Variants in TM9SF4 observed in about 807,000 individuals in gnomAD.
TM9SF4 encodes dinucleotide oxidase disulfide thiol exchanger 3 superfamily member 4.
TM9SF4 carries 26 observed loss-of-function variants against 90.4 expected under a neutral mutation model. The ratio of observed to expected loss-of-function variants is 0.29; its 90% confidence interval spans 0.21 to 0.40. The LOEUF is 0.40. Ranked by LOEUF, TM9SF4 falls within the 10% of genes least tolerant of loss-of-function variation. The probability of loss-of-function intolerance (pLI) is 1.00; values close to 1 mark genes in which losing one functional copy is unlikely to be tolerated. For missense variants in TM9SF4, 549 were observed against 834.8 expected, an observed-to-expected ratio of 0.66 and a Z score of 4.22; for synonymous variants, 293 against 315.4, an observed-to-expected ratio of 0.93 and a Z score of 0.75.
intron 16 of TM9SF4, among the ~76,000 whole-genome samples, chr20:32,160,688 C>T (rs749414210): frequency 6.6e-6 from 1 of 152,108 alleles, no homozygotes; most frequent in Non-Finnish European, 1.5e-5. Flanking sequence ...CGGTAGCTCA[C>T]GCCTGTAATC....
At chr20:32,147,569 G>A (rs1233611776) in intron 9 of TM9SF4, among the ~76,000 whole-genome samples, 2 of 151,980 alleles carry the variant, frequency 1.3e-5, no homozygotes, top group African/African-American at 4.8e-5. Flanking sequence ...AAACTAGGTC[G>A]GGGCTGGGCA....
intron 16 of TM9SF4, 32 bp downstream of exon 16, chr20:32,160,143 G>A (rs781719518): frequency 1.2e-6 from 2 of 1,613,770 alleles, no homozygotes; most frequent in East Asian, 4.5e-5. Flanking sequence ...GGCGGGGGAG[G>A]GAGAACTGGA....
chr20:32,116,537 A>AC (rs1489261984), intron 1 of TM9SF4: 2 of 151,884 alleles, frequency 1.3e-5, no homozygotes, highest in African/African-American at 4.8e-5. Flanking sequence ...GTTTTTCCCT[A>AC]CCCCCAAATT....
intron 6 of TM9SF4, 35 bp downstream of exon 6, chr20:32,143,140 G>A (rs1435922001): frequency 1.2e-6 from 2 of 1,606,798 alleles, no homozygotes. Context: ...GGGCAGGGCT[G>A]GATGGGCCTG....
At chr20:32,163,280 T>C (rs1431443230) in intron 17 of TM9SF4, among the ~76,000 whole-genome samples, 4 of 119,436 alleles carry the variant, frequency 3.3e-5, no homozygotes, top group African/African-American at 6.8e-5. Flanking sequence ...TATATATATA[T>C]ATATATATAT....
At chr20:32,141,198 CAG>C (rs1232057037) in intron 3 of TM9SF4, among the ~76,000 whole-genome samples, 1 of 117,438 alleles carries the variant, frequency 8.5e-6, no homozygotes, top group Non-Finnish European at 1.6e-5. Flanking sequence ...GCCTGGGTGA[CAG>C]AGCGAGACTC....
chr20:32,134,832 C>G (rs2046572114), intron 2 of TM9SF4, among the ~76,000 whole-genome samples: 1 of 152,044 alleles, frequency 6.6e-6, no homozygotes, highest in Non-Finnish European at 1.5e-5. Flanking sequence ...ACCACCATGC[C>G]CAGCCGATTT....
chr20:32,109,832 G>T, intron 1 of TM9SF4, 77 bp downstream of exon 1: 1 of 1,548,754 alleles, frequency 6.5e-7, no homozygotes. Context: ...AGCACCCCAT[G>T]CCTGGCCCTG....
intron 17 of TM9SF4, among the ~76,000 whole-genome samples, chr20:32,164,820 G>A (rs1223094586): frequency 6.6e-6 from 1 of 152,144 alleles, no homozygotes; most frequent in Non-Finnish European, 1.5e-5. Context: ...AGTCCAAAAT[G>A]CTCCAAGATC....
At chr20:32,156,754 T>C (rs1272621596) in intron 13 of TM9SF4, among the ~76,000 whole-genome samples, 1 of 151,268 alleles carries the variant, frequency 6.6e-6, no homozygotes, top group Admixed American at 6.6e-5. Context: ...ACTACAGGTG[T>C]CACCACCACA....
rs529809661 is a variant in TM9SF4, at chr20:32,115,840, G to A, written c.15+6085G>A. On this transcript the variant is annotated intron_variant, in intron 1 of 17. Coordinates refer to ENST00000398022, the MANE Select transcript of TM9SF4 (RefSeq NM_014742.4). ...TTTTTTTTTTTTTTTTTGAGACAGA[G>A]TCTCACTCTGTCGCCCAGGGTGGAG... Among the ~76,000 whole-genome samples, 70 of 105,538 alleles carry A rather than the reference G, an allele frequency of 6.6e-4. 1 individual carries two copies. The South Asian group carries it at 0.022, about 34-fold the overall frequency. 69.2% of individuals were successfully genotyped at this position (105,538 alleles called of 152,430 possible). A position where few individuals can be genotyped will look rare whatever the true frequency, so the allele number is the denominator to read the frequency against.
intron 5 of TM9SF4, 107 bp from the exon 6 acceptor site, chr20:32,142,875 T>C: frequency 6.8e-7 from 1 of 1,460,448 alleles, no homozygotes; most frequent in Non-Finnish European, 9.4e-7. Flanking sequence ...AACAGTGTTT[T>C]AGGAAGGTTG....
intron 9 of TM9SF4, among the ~76,000 whole-genome samples, chr20:32,147,262 G>A (rs937311939): frequency 2.0e-5 from 3 of 152,114 alleles, no homozygotes; most frequent in Admixed American, 6.6e-5. Flanking sequence ...ACAGGCATGA[G>A]CCACCACGCC....
intron 1 of TM9SF4, among the ~76,000 whole-genome samples, chr20:32,112,819 C>T (rs151220022): frequency 1.7e-3 from 253 of 152,020 alleles, no homozygotes; most frequent in African/African-American, 5.3e-3. Flanking sequence ...TTTAAAGAAA[C>T]TGAGTATGTA....
intron 8 of TM9SF4, among the ~76,000 whole-genome samples, chr20:32,145,774 A>G (rs1336102800): frequency 6.6e-6 from 1 of 152,232 alleles, no homozygotes; most frequent in Non-Finnish European, 1.5e-5. Context: ...CATAGAGCCT[A>G]TATTCTAGTG....
chr20:32,136,910 G>A (rs1235271059), intron 3 of TM9SF4: 2 of 471,172 alleles, frequency 4.2e-6, no homozygotes, highest in Non-Finnish European at 8.8e-6. Context: ...TCTTGAGCAA[G>A]CCCCTGAAAG....
chr20:32,114,075 G>A (rs1213842050), intron 1 of TM9SF4, among the ~76,000 whole-genome samples: 2 of 152,180 alleles, frequency 1.3e-5, no homozygotes, highest in Non-Finnish European at 2.9e-5. Flanking sequence ...TATTGGGATT[G>A]TTTTCACTTT....
intron 13 of TM9SF4, among the ~76,000 whole-genome samples, chr20:32,155,811 T>G (rs1485472029): frequency 6.6e-6 from 1 of 152,210 alleles, no homozygotes; most frequent in African/African-American, 2.4e-5. Flanking sequence ...GCCCTCCACC[T>G]GGGGGTGGCG....
intron 6 of TM9SF4, among the ~76,000 whole-genome samples, chr20:32,143,508 G>A (rs1600819901): frequency 6.6e-6 from 1 of 152,204 alleles, no homozygotes; most frequent in African/African-American, 2.4e-5. Context: ...CCTGTAGGCA[G>A]CAGGTTTCTT....
Sources: gnomAD v4.1 joint callset for allele counts (sites outside exome capture counted in the v4.1 genomes callset) on GRCh38, gnomAD v4.1.1 for gene constraint, MANE v1.5 for transcripts, NCBI Gene and HGNC (gene_info 2026-07-23, HGNC 2026-07-21) for gene names.